SLC9C1: variants seen among roughly 807,000 people sequenced by gnomAD.
SLC9C1 encodes solute carrier family 9 member C1, also known as sodium/hydrogen exchanger 10.
A neutral mutation model predicts 140.9 loss-of-function variants in SLC9C1; 97 were observed. The ratio of observed to expected loss-of-function variants is 0.69; its 90% CI spans 0.58 to 0.82. SLC9C1 has a LOEUF of 0.82. Ranked by LOEUF, SLC9C1 falls within the 40% of genes least tolerant of loss-of-function variation. The pLI is 0.00. For missense variants in SLC9C1, 1,340 were observed against 1,389.3 expected (o/e 0.96, Z 0.56); for synonymous variants, 440 against 442.6 (o/e 0.99, Z 0.07).
chr3:112,189,131 C>T (rs1477616853), intron 20 of SLC9C1, among the ~76,000 whole-genome samples: 3 of 152,002 alleles, frequency 2.0e-5, no homozygotes, highest in Admixed American at 6.6e-5. Context: ...GGATATTAGC[C>T]CTTTGTCAGA....
At chr3:112,238,258 A>C (rs2079046057) in intron 12 of SLC9C1, among the ~76,000 whole-genome samples, 1 of 152,198 alleles carries the variant, frequency 6.6e-6, no homozygotes, top group African/African-American at 2.4e-5. Context: ...TCGGCTACTG[A>C]AGCTTGTGCA....
Position 112,264,194 on chromosome 3 carries a change from T to TAAA in SLC9C1, c.1022+5_1022+6insTTT. The TAAA allele has an allele frequency of 8.9e-7, 1 of 1,121,586 alleles. No individual in the cohort carries two copies. The highest frequency in any genetic ancestry group is 1.2e-6 in the Non-Finnish European group (1 of 854,708). 69.5% of individuals were successfully genotyped at this position (1,121,586 alleles called of 1,614,324 possible). A position where few individuals can be genotyped will look rare whatever the true frequency, so the allele number is the denominator to read the frequency against. ...ATAAATAGAAAAATTTTAATGATGT[T>TAAA]CTTACCTTAAAACAATCAATGTTAA... On this transcript the variant is annotated splice_donor_region_variant and intron_variant, in intron 9 of 28. Coordinates refer to ENST00000305815, the MANE Select transcript of SLC9C1 (RefSeq NM_183061.3).
Position 112,264,300 on chromosome 3 carries a change from TA to T in SLC9C1, c.921del (p.Phe307LeufsTer7). 1 of 1,487,460 alleles carries T rather than the reference TA, an allele frequency of 6.7e-7. No individual in the cohort carries two copies. Among genetic ancestry groups the T allele is most frequent in the Non-Finnish European group, 8.9e-7 (1 of 1,119,048 alleles). 92.1% of individuals were successfully genotyped at this position (1,487,460 alleles called of 1,614,324 possible). ...FLSRIAFLMV[F>X]TFFGLLIPAH... ...GCAGGAATTAGAAGTCCAAAGAAAG[TA>T]AACACCATGAGAAAAGCAATACGTG... On this transcript the variant is annotated frameshift_variant, in exon 9 of 29. Coordinates refer to ENST00000305815, the MANE Select transcript of SLC9C1 (RefSeq NM_183061.3). LOFTEE classifies it high-confidence loss of function.
In SLC9C1 at chr3:112,193,710, G is replaced by A. The variant is rs1464170771; in HGVS notation, c.2523+5611C>T. ...CAGGTCTTGGGTGGGGACACTTGTA[G>A]CTGCTCTGCTAGCCTGGGGGTGTGT... On this transcript the variant is annotated intron_variant, in intron 20 of 28. Transcript: ENST00000305815. 2.6e-5 allele frequency among the ~76,000 whole-genome samples: 4 copies of A among 152,084 alleles called. No individual in the cohort carries two copies. The East Asian group carries it at 7.7e-4, about 29-fold the overall frequency.
intron 23 of SLC9C1, among the ~76,000 whole-genome samples, chr3:112,170,647 G>C (rs984718464): frequency 6.6e-6 from 1 of 152,066 alleles, no homozygotes; most frequent in African/African-American, 2.4e-5. Flanking sequence ...TATTTGAGGG[G>C]AGCAAACTTT....
At chr3:112,196,280 T>C (rs910566081) in intron 20 of SLC9C1, among the ~76,000 whole-genome samples, 1 of 152,092 alleles carries the variant, frequency 6.6e-6, no homozygotes, top group African/African-American at 2.4e-5. Flanking sequence ...TTGAGGATCC[T>C]TGTGTGTGAT....
chr3:112,231,217 G>T (rs1387497411), intron 13 of SLC9C1, 144 bp downstream of exon 13: 5 of 737,436 alleles, frequency 6.8e-6, no homozygotes, highest in Middle Eastern at 3.6e-4. Context: ...TTCCAATCAA[G>T]CAGATTCCTA....
At chr3:112,237,919 C>T (rs2079035223) in intron 12 of SLC9C1, among the ~76,000 whole-genome samples, 1 of 152,104 alleles carries the variant, frequency 6.6e-6, no homozygotes, top group African/African-American at 2.4e-5. Flanking sequence ...TTCGGTGAAT[C>T]TGACAATTAT....
At chr3:112,269,173 G>A (rs891645759) in intron 7 of SLC9C1, among the ~76,000 whole-genome samples, 3 of 152,098 alleles carry the variant, frequency 2.0e-5, no homozygotes, top group African/African-American at 4.8e-5. Context: ...GCTGGAGTGC[G>A]ATCATAGCTC....
intron 6 of SLC9C1, among the ~76,000 whole-genome samples, chr3:112,272,939 C>G (rs541957205): frequency 6.6e-6 from 1 of 152,098 alleles, no homozygotes; most frequent in South Asian, 2.1e-4. Context: ...TTTTCCTTTC[C>G]CTTCTCCCAA....
rs753931056 is a variant in SLC9C1, at chr3:112,221,233, A to T, written c.1573-8T>A. 2 of 1,611,086 alleles carry T rather than the reference A, an allele frequency of 1.2e-6. No homozygotes were observed. Among genetic ancestry groups the T allele is most frequent in the Non-Finnish European group, 1.7e-6 (2 of 1,177,826 alleles). ...TTGTCTCTGGTAGCTTGCCTAAAAA[A>T]ATATTAATTCAAGTCATTATATAGC... On this transcript the variant is annotated splice_region_variant and splice_polypyrimidine_tract_variant and intron_variant, in intron 13 of 28. Coordinates refer to ENST00000305815, the MANE Select transcript of SLC9C1 (RefSeq NM_183061.3).
intron 16 of SLC9C1, among the ~76,000 whole-genome samples, chr3:112,206,341 A>G (rs1489571949): frequency 6.6e-6 from 1 of 152,150 alleles, no homozygotes; most frequent in African/African-American, 2.4e-5. Flanking sequence ...TTAAAAAGGA[A>G]ACAACAGGTG....
At chr3:112,278,996 C>A in intron 3 of SLC9C1, 139 bp from the exon 4 acceptor site, 2 of 761,746 alleles carry the variant, frequency 2.6e-6, no homozygotes, top group Non-Finnish European at 2.0e-6. Context: ...GTGATCGTAT[C>A]AAATTCTAGA....
chr3:112,244,113 C>A (rs1395357870), intron 10 of SLC9C1, 37 bp from the exon 11 acceptor site: 4 of 1,324,630 alleles, frequency 3.0e-6, no homozygotes, highest in East Asian at 2.3e-5. Flanking sequence ...GTATTCATGA[C>A]AATTTCATAT....
intron 10 of SLC9C1, among the ~76,000 whole-genome samples, chr3:112,253,199 C>T (rs1369984646): frequency 1.3e-5 from 2 of 152,132 alleles, no homozygotes; most frequent in Non-Finnish European, 2.9e-5. Flanking sequence ...GGGTAGAACC[C>T]CCAGCAGACA....
chr3:112,283,608 C>T (rs950714413), intron 2 of SLC9C1, among the ~76,000 whole-genome samples: 2 of 151,956 alleles, frequency 1.3e-5, no homozygotes, highest in Non-Finnish European at 2.9e-5. Flanking sequence ...CAGGATTAGG[C>T]TTTGACAGTA....
At chr3:112,179,812 T>G (rs1381234103) in intron 22 of SLC9C1, 111 bp from the exon 23 acceptor site, 3 of 761,044 alleles carry the variant, frequency 3.9e-6, no homozygotes, top group Non-Finnish European at 5.8e-6. Context: ...ATTTACATAT[T>G]GTCTTGAGAA....
At chr3:112,146,794 T>C (rs2074809092) in intron 28 of SLC9C1, among the ~76,000 whole-genome samples, 1 of 152,200 alleles carries the variant, frequency 6.6e-6, no homozygotes, top group Non-Finnish European at 1.5e-5. Flanking sequence ...GGTTGATGGG[T>C]GGCGTATTCT....
At chr3:112,199,614 T>G in intron 19 of SLC9C1, 145 bp from the exon 20 acceptor site, 1 of 551,462 alleles carries the variant, frequency 1.8e-6, no homozygotes, top group Non-Finnish European at 2.9e-6. Context: ...GGGGCCACTA[T>G]GATCAATCAT....
Sources: gnomAD v4.1 joint callset for allele counts (sites outside exome capture counted in the v4.1 genomes callset) on GRCh38, gnomAD v4.1.1 for gene constraint, MANE v1.5 for transcripts, NCBI Gene and HGNC (gene_info 2026-07-23, HGNC 2026-07-21) for gene names.